The following FSTL5 variants were observed in gnomAD, a reference collection of about 807,000 sequenced individuals.
FSTL5 encodes follistatin like 5.
A neutral mutation model predicts 89.1 loss-of-function variants in FSTL5; 62 were observed. That is an observed-to-expected ratio of 0.70 (90% CI 0.57 to 0.86). The LOEUF is 0.86. Among genes scored for constraint, FSTL5 ranks in the 40% least tolerant of loss-of-function variants. The probability of loss-of-function intolerance (pLI) is 0.00; values close to 1 mark genes in which losing one functional copy is unlikely to be tolerated. For synonymous variants in FSTL5, 383 were observed against 346.2 expected (o/e 1.11, Z -1.18); for missense variants, 1,057 against 1,001.6 (o/e 1.06, Z -0.75).
chr4:161,404,371 C>T (rs930180700), intron 15 of FSTL5, among the ~76,000 whole-genome samples: 3 of 152,010 alleles, frequency 2.0e-5, no homozygotes, highest in African/African-American at 7.3e-5. Flanking sequence ...TAGTGGAGAT[C>T]CCAGATAAAC....
intron 6 of FSTL5, among the ~76,000 whole-genome samples, chr4:161,742,532 T>A (rs1025782462): frequency 6.6e-6 from 1 of 152,182 alleles, no homozygotes; most frequent in East Asian, 1.9e-4. Context: ...AATAGGGTAA[T>A]GTAACGCTCT....
At chr4:161,464,121 C>T (rs1733670133) in intron 13 of FSTL5, among the ~76,000 whole-genome samples, 1 of 152,096 alleles carries the variant, frequency 6.6e-6, no homozygotes, top group Non-Finnish European at 1.5e-5. Context: ...TTGAAATTTA[C>T]AGCCTCTTCT....
chr4:161,748,321 C>T (rs1055930104), intron 6 of FSTL5, among the ~76,000 whole-genome samples: 6 of 151,980 alleles, frequency 3.9e-5, no homozygotes, highest in African/African-American at 1.5e-4. Flanking sequence ...TTTGCACATA[C>T]CTTTTTAAAC....
At chr4:161,836,361 G>A (rs960262584) in intron 4 of FSTL5, among the ~76,000 whole-genome samples, 2 of 149,904 alleles carry the variant, frequency 1.3e-5, no homozygotes, top group African/African-American at 4.9e-5. Context: ...GCTAAATGAC[G>A]AGTTAATGGG....
intron 15 of FSTL5, among the ~76,000 whole-genome samples, chr4:161,432,715 A>G (rs1732420738): frequency 1.3e-5 from 2 of 151,078 alleles, no homozygotes; most frequent in African/African-American, 2.5e-5. Context: ...TAAGACTCAA[A>G]TAAATACAAT....
At chr4:162,109,213 T>A (rs1187737274) in intron 2 of FSTL5, among the ~76,000 whole-genome samples, 1 of 151,998 alleles carries the variant, frequency 6.6e-6, no homozygotes, top group Admixed American at 6.6e-5. Flanking sequence ...TCTAATACAA[T>A]CTTCAAGGTG....
At chr4:161,935,919 T>A (rs1734420028) in intron 3 of FSTL5, among the ~76,000 whole-genome samples, 1 of 152,192 alleles carries the variant, frequency 6.6e-6, no homozygotes, top group Non-Finnish European at 1.5e-5. Context: ...AGGTGGCCCA[T>A]GCCTGGAAAT....
chr4:161,914,780 G>A (rs1190860877), intron 4 of FSTL5, among the ~76,000 whole-genome samples: 1 of 152,032 alleles, frequency 6.6e-6, no homozygotes, highest in Non-Finnish European at 1.5e-5. Flanking sequence ...ACAGACTCAA[G>A]TCTGAAAATT....
At chr4:161,658,203 C>T (rs556399095) in intron 6 of FSTL5, among the ~76,000 whole-genome samples, 27 of 152,240 alleles carry the variant, frequency 1.8e-4, no homozygotes, top group East Asian at 3.9e-4. Flanking sequence ...CGGTGGCTCA[C>T]GCCTGTAATT....
chr4:162,066,355 CCTTCTTCTT>C (rs1285551001), intron 2 of FSTL5, among the ~76,000 whole-genome samples: 1 of 61,166 alleles, frequency 1.6e-5, no homozygotes, highest in African/African-American at 6.1e-5. Flanking sequence ...TTCTTCTTCT[CCTTCTTCTT>C]CTTCTTCTCC....
chr4:161,952,602 C>T (rs558711088), intron 3 of FSTL5, among the ~76,000 whole-genome samples: 6 of 151,964 alleles, frequency 3.9e-5, no homozygotes, highest in South Asian at 2.1e-4. Context: ...AGTGAAGGCA[C>T]GCCACCTGGC....
At chr4:161,408,985 A>G (rs2110929442) in intron 15 of FSTL5, among the ~76,000 whole-genome samples, 1 of 152,344 alleles carries the variant, frequency 6.6e-6, no homozygotes, top group Admixed American at 6.5e-5. Context: ...AATAACTTAT[A>G]TTTGAGGATA....
At chr4:162,002,933 A>G (rs1469803742) in intron 3 of FSTL5, among the ~76,000 whole-genome samples, 1 of 152,088 alleles carries the variant, frequency 6.6e-6, no homozygotes, top group Admixed American at 6.5e-5. Flanking sequence ...TCACAAGGTC[A>G]AGAAATCGAG....
At chr4:161,665,556 CA>C (rs1736865301) in intron 6 of FSTL5, among the ~76,000 whole-genome samples, 1 of 151,994 alleles carries the variant, frequency 6.6e-6, no homozygotes, top group African/African-American at 2.4e-5. Context: ...TAAAATTTTG[CA>C]AATTAAAAGA....
intron 4 of FSTL5, among the ~76,000 whole-genome samples, chr4:161,816,071 A>C (rs1433571880): frequency 6.6e-6 from 1 of 152,182 alleles, no homozygotes; most frequent in Non-Finnish European, 1.5e-5. Context: ...GAGTAATGTG[A>C]ATTATTTTCT....
At chr4:162,041,202 T>TAAAA (rs5863513) in intron 2 of FSTL5, among the ~76,000 whole-genome samples, 1 of 97,778 alleles carries the variant, frequency 1.0e-5, no homozygotes, top group African/African-American at 4.0e-5. Context: ...GATGAGATGG[T>TAAAA]AAAAAAAAAA....
intron 6 of FSTL5, among the ~76,000 whole-genome samples, chr4:161,696,030 G>T (rs1738152599): frequency 6.6e-6 from 1 of 152,078 alleles, no homozygotes. Context: ...TGAAATATTT[G>T]CCTGAGCCAA....
intron 4 of FSTL5, among the ~76,000 whole-genome samples, chr4:161,843,545 G>A (rs116249096): frequency 0.047 from 7,155 of 151,858 alleles, 212 homozygotes; most frequent in Non-Finnish European, 0.071. Flanking sequence ...TTCAAACTAC[G>A]CTACAAGGCT....
chr4:161,573,412 CAAAAAA>C (rs59381258), intron 8 of FSTL5, among the ~76,000 whole-genome samples: 4,211 of 119,682 alleles, frequency 0.035, 217 homozygotes, highest in African/African-American at 0.12. Context: ...AAAACCCTGT[CAAAAAA>C]AAAAAAAAAA....
Sources: gnomAD v4.1 joint callset for allele counts (sites outside exome capture counted in the v4.1 genomes callset) on GRCh38, gnomAD v4.1.1 for gene constraint, MANE v1.5 for transcripts, NCBI Gene and HGNC (gene_info 2026-07-23, HGNC 2026-07-21) for gene names.